Variants in TCF7L1 observed in about 807,000 individuals in gnomAD.
The protein encoded by TCF7L1 is transcription factor 7-like 1.
A neutral mutation model predicts 63.7 loss-of-function variants in TCF7L1; 18 were observed. The observed-to-expected ratio is 0.28, with a 90% confidence interval of 0.20 to 0.42. The LOEUF is 0.42. Among genes scored for constraint, TCF7L1 ranks in the 10% least tolerant of loss-of-function variants. The pLI is 1.00. For missense variants in TCF7L1, 654 were observed against 779.3 expected (o/e 0.84, Z 1.91); for synonymous variants, 355 against 340.9 (o/e 1.04, Z -0.46).
chr2:85,251,044 G>A (rs1032122179), intron 3 of TCF7L1, among the ~76,000 whole-genome samples: 1 of 152,216 alleles, frequency 6.6e-6, no homozygotes, highest in Non-Finnish European at 1.5e-5. Context: ...CATGGCCTGA[G>A]GCCACCAGAA....
intron 3 of TCF7L1, among the ~76,000 whole-genome samples, chr2:85,262,817 C>G (rs922224845): frequency 6.6e-6 from 1 of 152,168 alleles, no homozygotes; most frequent in Non-Finnish European, 1.5e-5. Context: ...GAAGGCTACT[C>G]ATGGACCCGG....
chr2:85,306,091 A>G lies in TCF7L1; in HGVS notation c.990-115A>G. 1.6e-6 allele frequency: 2 copies of G among 1,289,898 alleles called. No homozygotes were observed. Among genetic ancestry groups the G allele is most frequent in the South Asian group, 2.8e-5 (2 of 72,422 alleles). The allele number at this position is 1,289,898 out of a possible 1,614,324, so 79.9% of individuals were successfully genotyped here. A position where few individuals can be genotyped will look rare whatever the true frequency, so the allele number is the denominator to read the frequency against. On this transcript the variant is annotated intron_variant, in intron 8 of 11. Coordinates refer to ENST00000282111, the MANE Select transcript of TCF7L1 (RefSeq NM_031283.3). The surrounding 1 kb of genome is among the most constrained non-coding windows in gnomAD (Gnocchi z 4.3). ...CAGCCATGGGGCCACTTGAATTAGC[A>G]TCCAGGCAGCCCGCGCCCCTCCCCA...
intron 3 of TCF7L1, among the ~76,000 whole-genome samples, chr2:85,260,239 G>A (rs541257528): frequency 2.0e-5 from 3 of 152,316 alleles, no homozygotes; most frequent in African/African-American, 7.2e-5. Flanking sequence ...GATGCTTCTG[G>A]GTGCCCTTCT....
At chr2:85,164,475 A>T (rs558907577) in intron 3 of TCF7L1, among the ~76,000 whole-genome samples, 125 of 152,236 alleles carry the variant, frequency 8.2e-4, no homozygotes, top group Non-Finnish European at 1.1e-3. Flanking sequence ...TTTGGAATGG[A>T]CATCTCATTA....
intron 3 of TCF7L1, among the ~76,000 whole-genome samples, chr2:85,147,445 C>A (rs754166617): frequency 1.1e-4 from 17 of 152,272 alleles, no homozygotes; most frequent in Non-Finnish European, 1.0e-4. Context: ...ACCCCAGCAC[C>A]TCCTAGATGA....
At chr2:85,161,865 A>G (rs1678293541) in intron 3 of TCF7L1, among the ~76,000 whole-genome samples, 1 of 152,102 alleles carries the variant, frequency 6.6e-6, no homozygotes, top group Admixed American at 6.5e-5. Flanking sequence ...GGCAGAGCTC[A>G]GAGGCTTGTG....
intron 3 of TCF7L1, among the ~76,000 whole-genome samples, chr2:85,280,778 TG>T (rs1237356146): frequency 3.3e-5 from 5 of 152,264 alleles, no homozygotes; most frequent in African/African-American, 1.2e-4. Flanking sequence ...AACACTGACA[TG>T]CATGGACCCA....
At chr2:85,308,612 A>C (rs1682199108) in intron 11 of TCF7L1, among the ~76,000 whole-genome samples, 1 of 148,948 alleles carries the variant, frequency 6.7e-6, no homozygotes, top group African/African-American at 2.5e-5. Context: ...TATACATAGG[A>C]GCGCACATGA....
rs1478876287 is a variant in TCF7L1, at chr2:85,134,191, C to T, written c.313+112C>T. On this transcript the variant is annotated intron_variant, in intron 2 of 11. Coordinates refer to ENST00000282111, the MANE Select transcript of TCF7L1 (RefSeq NM_031283.3). This position sits in a 1 kb window ranked among gnomAD's most constrained non-coding sequence, Gnocchi z 5.0. ...GGGTGGACGCACCCTTGCCCTCCGC[C>T]TTTATTGGCGGCAGCCCCCGTGGGG... 1 of 1,502,406 alleles carries T rather than the reference C, an allele frequency of 6.7e-7. No homozygotes were observed. The highest frequency in any genetic ancestry group is 1.4e-5 in the African/African-American group (1 of 70,758). 93.1% of individuals were successfully genotyped at this position (1,502,406 alleles called of 1,614,324 possible). A position where few individuals can be genotyped will look rare whatever the true frequency, so the allele number is the denominator to read the frequency against.
chr2:85,265,519 G>A (rs944616998), intron 3 of TCF7L1, among the ~76,000 whole-genome samples: 4 of 151,682 alleles, frequency 2.6e-5, no homozygotes, highest in African/African-American at 7.3e-5. Context: ...TGTCCAGGGC[G>A]GGGCTGTAGA....
intron 3 of TCF7L1, among the ~76,000 whole-genome samples, chr2:85,242,948 T>C (rs1164976941): frequency 6.6e-6 from 1 of 152,190 alleles, no homozygotes; most frequent in Non-Finnish European, 1.5e-5. Context: ...TACACACCTC[T>C]GGCAGTGGGG....
At chr2:85,190,708 A>G (rs1044576908) in intron 3 of TCF7L1, among the ~76,000 whole-genome samples, 1 of 152,204 alleles carries the variant, frequency 6.6e-6, no homozygotes, top group African/African-American at 2.4e-5. Context: ...AGCCAAAGAG[A>G]TAGTAGAATC....
chr2:85,300,396 A>C (rs750662652), intron 4 of TCF7L1, among the ~76,000 whole-genome samples: 4 of 152,194 alleles, frequency 2.6e-5, no homozygotes, highest in Admixed American at 6.5e-5. Flanking sequence ...ATGTATATGG[A>C]GATATCTTCA....
At chr2:85,267,330 CAAAAA>C (rs1217663362) in intron 3 of TCF7L1, among the ~76,000 whole-genome samples, 2 of 44,178 alleles carry the variant, frequency 4.5e-5, no homozygotes, top group South Asian at 7.7e-4. Context: ...GGCTCTGTCT[CAAAAA>C]AAAAAAAAAA....
At chr2:85,304,196 C>G in intron 6 of TCF7L1, 59 bp from the exon 7 acceptor site, 1 of 1,534,682 alleles carries the variant, frequency 6.5e-7, no homozygotes. Context: ...TCCCAAGTGC[C>G]TCTCTTCCTC....
At chr2:85,226,834 T>A (rs1456102006) in intron 3 of TCF7L1, among the ~76,000 whole-genome samples, 1 of 143,994 alleles carries the variant, frequency 6.9e-6, no homozygotes, top group Non-Finnish European at 1.5e-5. Context: ...TTTTTTTTTT[T>A]AACCTCCCAG....
At chr2:85,164,825 T>A (rs958482210) in intron 3 of TCF7L1, among the ~76,000 whole-genome samples, 9 of 152,170 alleles carry the variant, frequency 5.9e-5, no homozygotes, top group Admixed American at 3.3e-4. Flanking sequence ...CAAAGTTAAT[T>A]TTTTACAGTG....
intron 3 of TCF7L1, among the ~76,000 whole-genome samples, chr2:85,207,699 T>G (rs72840142): frequency 0.046 from 7,000 of 151,836 alleles, 179 homozygotes; most frequent in Middle Eastern, 0.054. Flanking sequence ...AACAATTTTT[T>G]GATTTTATGG....
At chr2:85,271,118 C>T (rs1193440196) in intron 3 of TCF7L1, among the ~76,000 whole-genome samples, 1 of 150,990 alleles carries the variant, frequency 6.6e-6, no homozygotes, top group Non-Finnish European at 1.5e-5. Context: ...GGCTCAATTT[C>T]CTTTGTTTTT....
Sources: gnomAD v4.1 joint callset for allele counts (sites outside exome capture counted in the v4.1 genomes callset) on GRCh38, gnomAD v4.1.1 for gene constraint, Gnocchi (gnomAD v3.1) non-coding constraint, MANE v1.5 for transcripts, NCBI Gene and HGNC (gene_info 2026-07-23, HGNC 2026-07-21) for gene names.